GULP1: variants seen among roughly 807,000 people sequenced by gnomAD.
GULP1 encodes the protein GULP PTB domain containing engulfment adaptor 1, also known as PTB domain-containing engulfment adapter protein 1.
In GULP1, 19 loss-of-function variants were observed where a neutral mutation model predicts 40.9. That is an observed-to-expected ratio of 0.46 (90% confidence interval 0.32 to 0.68). The LOEUF is 0.68. Ranked by LOEUF, GULP1 falls within the 30% of genes least tolerant of loss-of-function variation. The probability of loss-of-function intolerance (pLI) is 0.03; values close to 1 mark genes in which losing one functional copy is unlikely to be tolerated. For synonymous variants in GULP1, 119 were observed against 117.6 expected (o/e 1.01, Z -0.08); for missense variants, 312 against 362.2 (o/e 0.86, Z 1.12).
intron 4 of GULP1, among the ~76,000 whole-genome samples, chr2:188,501,341 G>A (rs2063416626): frequency 6.6e-6 from 1 of 151,756 alleles, no homozygotes; most frequent in Admixed American, 6.6e-5. Context: ...GACTTGCCTG[G>A]CCCCACCTTT....
chr2:188,534,503 G>A (rs1181331956), intron 6 of GULP1, among the ~76,000 whole-genome samples: 2 of 151,982 alleles, frequency 1.3e-5, no homozygotes, highest in African/African-American at 4.8e-5. Flanking sequence ...AAGGAAGGAG[G>A]GGATAAGGGT....
chr2:188,522,275 G>A (rs1239491905), intron 4 of GULP1, among the ~76,000 whole-genome samples: 3 of 151,638 alleles, frequency 2.0e-5, no homozygotes, highest in Non-Finnish European at 4.4e-5. Flanking sequence ...AGCTAATGGC[G>A]AAATCTTTGG....
chr2:188,559,219 G>T (rs1020824448), intron 7 of GULP1, among the ~76,000 whole-genome samples: 2 of 152,146 alleles, frequency 1.3e-5, no homozygotes, highest in Admixed American at 6.5e-5. Context: ...GTACCCTAGG[G>T]AGTTGGTGCC....
At chr2:188,556,033 G>T (rs182866338) in intron 7 of GULP1, among the ~76,000 whole-genome samples, 103 of 151,284 alleles carry the variant, frequency 6.8e-4, no homozygotes, top group African/African-American at 2.4e-3. Context: ...AGCCCATCCT[G>T]GGTGACAGAG....
chr2:188,506,886 A>G (rs910875252), intron 4 of GULP1, among the ~76,000 whole-genome samples: 1 of 152,058 alleles, frequency 6.6e-6, no homozygotes, highest in South Asian at 2.1e-4. Context: ...CAAATTGAAC[A>G]TTCAGTCAAT....
At chr2:188,325,943 T>A (rs1401632635) in intron 1 of GULP1, among the ~76,000 whole-genome samples, 3 of 152,184 alleles carry the variant, frequency 2.0e-5, no homozygotes, top group Non-Finnish European at 2.9e-5. Flanking sequence ...GTACGCATTG[T>A]TGCAAGTGAT....
intron 9 of GULP1, among the ~76,000 whole-genome samples, chr2:188,571,271 A>G (rs1237118727): frequency 6.6e-6 from 1 of 152,204 alleles, no homozygotes; most frequent in Non-Finnish European, 1.5e-5. Context: ...CTCAATGAAA[A>G]TGTTCATTTC....
chr2:188,574,820 G>A (rs1699843437), intron 9 of GULP1, among the ~76,000 whole-genome samples: 1 of 152,064 alleles, frequency 6.6e-6, no homozygotes, highest in African/African-American at 2.4e-5. Flanking sequence ...TATTGATGTT[G>A]ATATCCTTAT....
chr2:188,569,580 T>A (rs940050849), intron 8 of GULP1: 3 of 464,176 alleles, frequency 6.5e-6, no homozygotes, highest in African/African-American at 6.0e-5. Context: ...TGTTCTCATG[T>A]GACTTTGCTT....
At chr2:188,561,061 C>T (rs1290293068) in intron 7 of GULP1, among the ~76,000 whole-genome samples, 1 of 152,194 alleles carries the variant, frequency 6.6e-6, no homozygotes, top group Non-Finnish European at 1.5e-5. Context: ...TGAGATCTGC[C>T]ATTTCCTTGG....
intron 11 of GULP1, chr2:188,589,554 A>C (rs904106279): frequency 7.8e-6 from 3 of 383,022 alleles, no homozygotes; most frequent in Non-Finnish European, 1.4e-5. Context: ...ATTGGAAAAA[A>C]AATTATGGAG....
chr2:188,528,584 C>G (rs780003289), intron 5 of GULP1, among the ~76,000 whole-genome samples: 19 of 151,896 alleles, frequency 1.3e-4, no homozygotes, highest in Non-Finnish European at 2.4e-4. Context: ...AGTCTTTCAG[C>G]TGGGATAATT....
At chr2:188,586,543 T>C (rs988831993) in intron 10 of GULP1, among the ~76,000 whole-genome samples, 4 of 152,190 alleles carry the variant, frequency 2.6e-5, no homozygotes, top group African/African-American at 9.6e-5. Flanking sequence ...AATAGTAATA[T>C]TCATCAGTTA....
chr2:188,473,863 C>G (rs1384909483), intron 2 of GULP1, among the ~76,000 whole-genome samples: 2 of 152,142 alleles, frequency 1.3e-5, no homozygotes, highest in Non-Finnish European at 2.9e-5. Context: ...CCCATAGCCA[C>G]CACAGTTGGG....
At chr2:188,464,808 GTACTGCCAGGC>G (rs2059983878) in intron 2 of GULP1, among the ~76,000 whole-genome samples, 1 of 152,192 alleles carries the variant, frequency 6.6e-6, no homozygotes, top group Non-Finnish European at 1.5e-5. Context: ...CCTATGGGGA[GTACTGCCAGGC>G]TACTGCCATT....
intron 1 of GULP1, among the ~76,000 whole-genome samples, chr2:188,330,269 AC>A (rs2041383484): frequency 6.6e-6 from 1 of 152,160 alleles, no homozygotes; most frequent in Non-Finnish European, 1.5e-5. Context: ...CAAGTATACT[AC>A]CTAAGTACCT....
chr2:188,397,005 C>T (rs1440732065), intron 2 of GULP1, among the ~76,000 whole-genome samples: 1 of 152,194 alleles, frequency 6.6e-6, no homozygotes. Flanking sequence ...AGTGTATACC[C>T]TGAAGGCAGT....
chr2:188,389,300 A>G (rs994602040), intron 2 of GULP1, among the ~76,000 whole-genome samples: 3 of 152,220 alleles, frequency 2.0e-5, no homozygotes, highest in African/African-American at 7.2e-5. Context: ...ATTGAGGAAT[A>G]TTATTGAGGA....
intron 1 of GULP1, among the ~76,000 whole-genome samples, chr2:188,351,373 C>T (rs1574633279): frequency 6.6e-6 from 1 of 152,038 alleles, no homozygotes; most frequent in African/African-American, 2.4e-5. Flanking sequence ...AGAAATAGGA[C>T]TTAAAATAAC....
Sources: allele counts gnomAD v4.1 joint callset (sites outside exome capture counted in the v4.1 genomes callset), GRCh38; gene constraint gnomAD v4.1.1; transcripts MANE v1.5; gene names NCBI Gene and HGNC (gene_info 2026-07-23, HGNC 2026-07-21).